The following ACVR1 variants were observed in gnomAD, a reference collection of about 807,000 sequenced individuals.
ACVR1 encodes activin A receptor type 1, also known as activin receptor type-1.
ACVR1 carries 38 observed loss-of-function variants against 57.1 expected under a neutral mutation model. The ratio of observed to expected loss-of-function variants is 0.67; its 90% CI spans 0.51 to 0.87. The LOEUF (loss-of-function observed/expected upper bound fraction) is 0.87, where lower values mean the gene tolerates loss of function less well. ACVR1 is among the 40% of genes least tolerant of loss of function. The pLI, the probability that ACVR1 is intolerant of heterozygous loss-of-function variation, is 0.00. For missense variants in ACVR1, 463 were observed against 638.2 expected (o/e 0.73, Z 2.96); for synonymous variants, 212 against 228.1 (o/e 0.93, Z 0.63).
intron 3 of ACVR1, among the ~76,000 whole-genome samples, chr2:157,786,459 T>C (rs892803903): frequency 6.6e-6 from 1 of 152,182 alleles, no homozygotes; most frequent in African/African-American, 2.4e-5. Flanking sequence ...AGTCTTTAAA[T>C]GTCAGCACAG....
At chr2:157,771,959 C>A (rs1218887210) in intron 6 of ACVR1, among the ~76,000 whole-genome samples, 1 of 152,168 alleles carries the variant, frequency 6.6e-6, no homozygotes, top group African/African-American at 2.4e-5. Context: ...GTATGCTAAT[C>A]TTTTCCTGCC....
chr2:157,862,527 A>C (rs1301120876), intron 1 of ACVR1, among the ~76,000 whole-genome samples: 2 of 151,944 alleles, frequency 1.3e-5, no homozygotes, highest in East Asian at 3.9e-4. Flanking sequence ...AGATACGGAA[A>C]ATAATTAAGG....
At chr2:157,830,189 A>T (rs1045079004) in intron 1 of ACVR1, among the ~76,000 whole-genome samples, 2 of 152,218 alleles carry the variant, frequency 1.3e-5, no homozygotes, top group African/African-American at 2.4e-5. Flanking sequence ...ATTGCACTCC[A>T]GCCTAGGTGA....
chr2:157,790,235 G>A (rs72923491), intron 3 of ACVR1: 7,691 of 152,384 alleles, frequency 0.05, 357 homozygotes, highest in African/African-American at 0.12. Context: ...TGTCAGCTCA[G>A]TCAGGAGCTG....
intron 9 of ACVR1, among the ~76,000 whole-genome samples, chr2:157,746,268 T>C (rs545609775): frequency 8.5e-5 from 13 of 152,330 alleles, no homozygotes; most frequent in African/African-American, 2.9e-4. Context: ...CAGACACACA[T>C]GAGATGCTTT....
intron 2 of ACVR1, among the ~76,000 whole-genome samples, chr2:157,818,008 A>AC: frequency 6.6e-6 from 1 of 151,904 alleles, no homozygotes; most frequent in East Asian, 1.9e-4. Flanking sequence ...TCTCAAAAAA[A>AC]AAAAAAACAA....
intron 1 of ACVR1, among the ~76,000 whole-genome samples, chr2:157,833,898 T>C (rs1688677875): frequency 6.6e-6 from 1 of 152,158 alleles, no homozygotes; most frequent in African/African-American, 2.4e-5. Context: ...TGCAGCACTT[T>C]TGTTGGTTCT....
At chr2:157,825,769 A>C (rs1688322602) in intron 1 of ACVR1, among the ~76,000 whole-genome samples, 1 of 152,210 alleles carries the variant, frequency 6.6e-6, no homozygotes, top group Non-Finnish European at 1.5e-5. Context: ...ATCCAGCTAT[A>C]TGTACATCTC....
At chr2:157,805,346 A>T (rs1330905905) in intron 2 of ACVR1, among the ~76,000 whole-genome samples, 1 of 152,192 alleles carries the variant, frequency 6.6e-6, no homozygotes, top group Non-Finnish European at 1.5e-5. Context: ...AATTTCTAAC[A>T]ATCTGTGAAT....
At chr2:157,820,478 G>A (rs770302025) in intron 1 of ACVR1, among the ~76,000 whole-genome samples, 9 of 152,098 alleles carry the variant, frequency 5.9e-5, no homozygotes, top group Non-Finnish European at 1.0e-4. Context: ...TTAAGTGAGA[G>A]TTACTGTACT....
At chr2:157,864,820 A>G (rs1689855335) in intron 1 of ACVR1, among the ~76,000 whole-genome samples, 1 of 152,146 alleles carries the variant, frequency 6.6e-6, no homozygotes, top group African/African-American at 2.4e-5. Flanking sequence ...TGCTTTTTTT[A>G]CAGCTATTAT....
chr2:157,807,342 C>T (rs776618714), intron 2 of ACVR1, among the ~76,000 whole-genome samples: 4 of 152,172 alleles, frequency 2.6e-5, no homozygotes, highest in Admixed American at 6.5e-5. Flanking sequence ...TCACTTGCTG[C>T]GTGCCTTACT....
chr2:157,867,604 G>C (rs1042386615), intron 1 of ACVR1, among the ~76,000 whole-genome samples: 1 of 152,162 alleles, frequency 6.6e-6, no homozygotes, highest in African/African-American at 2.4e-5. Flanking sequence ...AGAGTTTTCA[G>C]TGTTGCAGGA....
At chr2:157,824,135 T>G (rs1170437719) in intron 1 of ACVR1, among the ~76,000 whole-genome samples, 1 of 152,198 alleles carries the variant, frequency 6.6e-6, no homozygotes, top group Non-Finnish European at 1.5e-5. Flanking sequence ...TTGAATCCTA[T>G]GCAAAATTGC....
chr2:157,858,361 A>G (rs1689605849), intron 1 of ACVR1, among the ~76,000 whole-genome samples: 4 of 151,908 alleles, frequency 2.6e-5, no homozygotes, highest in Admixed American at 2.6e-4. Context: ...CTCTCAGGAA[A>G]TTCTGATCCC....
At chr2:157,852,169 T>C (rs922685765) in intron 1 of ACVR1, among the ~76,000 whole-genome samples, 3 of 151,010 alleles carry the variant, frequency 2.0e-5, no homozygotes, top group African/African-American at 7.3e-5. Flanking sequence ...GAGGACAAAT[T>C]AGAGAGAATT....
intron 1 of ACVR1, among the ~76,000 whole-genome samples, chr2:157,852,713 T>C (rs1689366354): frequency 6.6e-6 from 1 of 152,206 alleles, no homozygotes; most frequent in South Asian, 2.1e-4. Flanking sequence ...GCCATAGTTA[T>C]ATGATCCTCT....
At chr2:157,837,399 G>A (rs75639348) in intron 1 of ACVR1, among the ~76,000 whole-genome samples, 361 of 152,258 alleles carry the variant, frequency 2.4e-3, no homozygotes, top group African/African-American at 8.3e-3. Context: ...CTCAGAGAAC[G>A]GGTTCAGGAA....
At chr2:157,861,797 T>C (rs1689727391) in intron 1 of ACVR1, among the ~76,000 whole-genome samples, 1 of 152,370 alleles carries the variant, frequency 6.6e-6, no homozygotes, top group South Asian at 2.1e-4. Context: ...TCAATAATTA[T>C]AATTACACAC....
Sources: allele counts gnomAD v4.1 joint callset (sites outside exome capture counted in the v4.1 genomes callset), GRCh38; gene constraint gnomAD v4.1.1; transcripts MANE v1.5; gene names NCBI Gene and HGNC (gene_info 2026-07-23, HGNC 2026-07-21).